Variants in NAV2 observed in about 807,000 individuals in gnomAD.
The protein encoded by NAV2 is helicase, APC down-regulated 1.
Under a neutral mutation model 223.2 loss-of-function variants are expected in NAV2, and 54 were observed. The observed-to-expected ratio is 0.24, with a 90% CI of 0.19 to 0.30. The LOEUF (loss-of-function observed/expected upper bound fraction) is 0.30, where lower values mean the gene tolerates loss of function less well. NAV2 is among the 10% of genes least tolerant of loss of function. The probability of loss-of-function intolerance (pLI) is 1.00; values close to 1 mark genes in which losing one functional copy is unlikely to be tolerated. For synonymous variants in NAV2, 1,279 were observed against 1,239.3 expected (o/e 1.03, Z -0.67); for missense variants, 2,806 against 3,147.5 (o/e 0.89, Z 2.60).
chr11:19,557,021 T>G (rs1490987771), intron 1 of NAV2, among the ~76,000 whole-genome samples: 1 of 152,230 alleles, frequency 6.6e-6, no homozygotes, highest in Admixed American at 6.5e-5. Flanking sequence ...AATTCCAAAA[T>G]TTTACATAAT....
intron 1 of NAV2, among the ~76,000 whole-genome samples, chr11:19,632,683 G>C (rs200542737): frequency 6.6e-6 from 1 of 152,152 alleles, no homozygotes. Flanking sequence ...CTATCTCATC[G>C]GAATATGCCT....
chr11:20,105,609 A>G lies in NAV2; in HGVS notation c.6723A>G (p.Thr2241=). ...GRFLRRKLME[T]EISGRVRNME... is the part of the protein sequence containing the mutation. ...TCCTGAGGAGGAAGCTCATGGAAAC[A>G]GAGATCAGTGGGCGGGTGCGCAATA... The change falls in exon 35 of 38, where the codon ACA becomes ACG. Residue 2241 remains threonine (T), a synonymous_variant. Transcript: ENST00000349880. The G allele has an allele frequency of 6.2e-7, 1 of 1,614,040 alleles. No individual in the cohort carries two copies. Among genetic ancestry groups the G allele is most frequent in the Non-Finnish European group, 8.5e-7 (1 of 1,179,916 alleles).
intron 12 of NAV2, among the ~76,000 whole-genome samples, chr11:20,037,447 A>C (rs2056499944): frequency 1.3e-5 from 2 of 150,700 alleles, no homozygotes; most frequent in African/African-American, 4.9e-5. Context: ...ATGCCTGATG[A>C]AATACATTAG....
At chr11:19,550,704 C>T (rs2044663213) in intron 1 of NAV2, among the ~76,000 whole-genome samples, 2 of 152,310 alleles carry the variant, frequency 1.3e-5, no homozygotes, top group African/African-American at 4.8e-5. Context: ...TGCCCACTCC[C>T]CTTGAGGTAG....
rs757183666 is a variant in NAV2, at chr11:19,787,270, C to CTTTTTTTTT, written c.268-45194_268-45186dup. 2.9e-4 allele frequency among the ~76,000 whole-genome samples: 16 copies of CTTTTTTTTT among 55,002 alleles called. 6 individuals are homozygous for CTTTTTTTTT. The highest frequency in any genetic ancestry group is 3.2e-4 in the Non-Finnish European group (9 of 28,456). 36.1% of individuals were successfully genotyped at this position (55,002 alleles called of 152,430 possible). ...CATGCCTGGCTAATTTTTATTGGATCTTTTTTTTTTTTTTTTTTTTTTTTT... is the reference window on the plus strand; with the variant it reads ...CATGCCTGGCTAATTTTTATTGGATCTTTTTTTTTTTTTTTTTTTTTTTTTTTTTTTTTT... On this transcript the variant is annotated intron_variant, in intron 1 of 37. Coordinates refer to ENST00000349880, the MANE Select transcript of NAV2 (RefSeq NM_145117.5).
At chr11:19,663,879 G>A (rs553103481) in intron 1 of NAV2, among the ~76,000 whole-genome samples, 3 of 152,122 alleles carry the variant, frequency 2.0e-5, no homozygotes, top group Non-Finnish European at 4.4e-5. Flanking sequence ...CATGTTTTCT[G>A]CTATGGGGCA....
intron 1 of NAV2, among the ~76,000 whole-genome samples, chr11:19,377,137 T>C (rs1281958098): frequency 6.6e-6 from 1 of 152,154 alleles, no homozygotes; most frequent in Admixed American, 6.5e-5. Flanking sequence ...GGCCTTGTTT[T>C]CTCAACAGCA....
At chr11:19,791,327 C>T (rs2057500631) in intron 1 of NAV2, among the ~76,000 whole-genome samples, 1 of 152,134 alleles carries the variant, frequency 6.6e-6, no homozygotes, top group African/African-American at 2.4e-5. Context: ...CTTTGAGCTC[C>T]TCCCCTTCCC....
intron 6 of NAV2, among the ~76,000 whole-genome samples, chr11:19,917,865 C>T (rs1175134195): frequency 1.3e-5 from 2 of 152,230 alleles, no homozygotes; most frequent in Non-Finnish European, 2.9e-5. Context: ...GATCCGCCTA[C>T]CTTGGCCTCC....
chr11:19,551,069 G>C (rs1472845197), intron 1 of NAV2, among the ~76,000 whole-genome samples: 1 of 152,270 alleles, frequency 6.6e-6, no homozygotes, highest in African/African-American at 2.4e-5. Context: ...TGCTGGAGCT[G>C]TGGCACTGCC....
intron 1 of NAV2, among the ~76,000 whole-genome samples, chr11:19,653,344 G>A (rs906661871): frequency 1.3e-5 from 2 of 152,208 alleles, no homozygotes; most frequent in African/African-American, 2.4e-5. Context: ...AAAGTACTGT[G>A]AATGCATAGG....
intron 1 of NAV2, among the ~76,000 whole-genome samples, chr11:19,673,054 T>A (rs896258158): frequency 1.3e-5 from 2 of 152,208 alleles, no homozygotes; most frequent in African/African-American, 2.4e-5. Flanking sequence ...GCCCAAGAGC[T>A]ATATTAAACA....
At chr11:19,689,615 C>T (rs548404293) in intron 1 of NAV2, among the ~76,000 whole-genome samples, 1 of 152,270 alleles carries the variant, frequency 6.6e-6, no homozygotes, top group African/African-American at 2.4e-5. Context: ...GTTCTTTTTA[C>T]AGAAAATTTT....
At chr11:19,873,376 CA>C (rs1395774187) in intron 4 of NAV2, among the ~76,000 whole-genome samples, 1 of 152,030 alleles carries the variant, frequency 6.6e-6, no homozygotes, top group African/African-American at 2.4e-5. Context: ...CCCCAGATTT[CA>C]TGGGATGAAT....
At chr11:19,445,740 C>T (rs1010996014) in intron 1 of NAV2, among the ~76,000 whole-genome samples, 14 of 144,926 alleles carry the variant, frequency 9.7e-5, no homozygotes, top group Admixed American at 4.3e-4. Flanking sequence ...TTTATTGTCT[C>T]TGGGCCTCTG....
chr11:19,902,795 G>T (rs967543), intron 6 of NAV2, among the ~76,000 whole-genome samples: 32,494 of 152,046 alleles, frequency 0.21, 4,609 homozygotes, highest in East Asian at 0.44. Context: ...TTTAAGGTCC[G>T]CTTTAAAAGT....
intron 1 of NAV2, among the ~76,000 whole-genome samples, chr11:19,746,883 C>G (rs1025937878): frequency 2.0e-5 from 3 of 151,992 alleles, no homozygotes; most frequent in African/African-American, 4.8e-5. Flanking sequence ...TTATTGAACA[C>G]TCTTTTTTTA....
At chr11:19,596,901 A>C (rs948631322) in intron 1 of NAV2, among the ~76,000 whole-genome samples, 1 of 152,216 alleles carries the variant, frequency 6.6e-6, no homozygotes, top group Admixed American at 6.5e-5. Flanking sequence ...AGGTATAACT[A>C]TCCCCACTCT....
intron 3 of NAV2, among the ~76,000 whole-genome samples, chr11:19,846,437 A>G (rs978117985): frequency 1.1e-4 from 16 of 152,178 alleles, no homozygotes; most frequent in African/African-American, 3.6e-4. Flanking sequence ...ATGCTTCATC[A>G]CACAGATTCC....
Sources: gnomAD v4.1 joint callset for allele counts (sites outside exome capture counted in the v4.1 genomes callset) on GRCh38, gnomAD v4.1.1 for gene constraint, MANE v1.5 for transcripts, NCBI Gene and HGNC (gene_info 2026-07-23, HGNC 2026-07-21) for gene names.